Variants in MALRD1 observed in about 807,000 individuals in gnomAD.
The protein encoded by MALRD1 is MAM and LDL receptor class A domain containing 1.
In MALRD1, 247 loss-of-function variants were observed where a neutral mutation model predicts 242.1. That is an observed-to-expected ratio of 1.02 (90% CI 0.92 to 1.13). The LOEUF (loss-of-function observed/expected upper bound fraction) is 1.13, where lower values mean the gene tolerates loss of function less well. Among genes scored for constraint, MALRD1 ranks in the 50% most tolerant of loss-of-function variants. The pLI is 0.00. For synonymous variants in MALRD1, 995 were observed against 866.6 expected, an observed-to-expected ratio of 1.15 and a Z score of -2.60; for missense variants, 2,989 against 2,533.1, an observed-to-expected ratio of 1.18 and a Z score of -3.86.
intron 18 of MALRD1, among the ~76,000 whole-genome samples, chr10:19,231,836 G>GT (rs1484586884): frequency 2.7e-5 from 4 of 150,260 alleles, no homozygotes; most frequent in African/African-American, 9.8e-5. Context: ...CCCGCTTTCT[G>GT]TTTTTGTTTT....
At chr10:19,388,684 G>C (rs142313562) in intron 27 of MALRD1, among the ~76,000 whole-genome samples, 1 of 152,212 alleles carries the variant, frequency 6.6e-6, no homozygotes, top group East Asian at 1.9e-4. Context: ...GCTCATTTTT[G>C]TAGTGAGTGG....
chr10:19,331,306 G>T (rs1359033568), intron 23 of MALRD1, 63 bp from the exon 24 acceptor site: 3 of 1,277,688 alleles, frequency 2.3e-6, no homozygotes, highest in Non-Finnish European at 3.3e-6. Flanking sequence ...TTGATACTTA[G>T]TGTTTGCCCA....
At chr10:19,203,081 CATT>C (rs750724551) in intron 14 of MALRD1, among the ~76,000 whole-genome samples, 1 of 152,094 alleles carries the variant, frequency 6.6e-6, no homozygotes, top group Non-Finnish European at 1.5e-5. Flanking sequence ...ACATTACTAA[CATT>C]ATGATTTCCC....
At chr10:19,207,864 C>T (rs1836856467) in intron 17 of MALRD1, among the ~76,000 whole-genome samples, 4 of 152,078 alleles carry the variant, frequency 2.6e-5, no homozygotes, top group Admixed American at 2.6e-4. Context: ...CAAAATAGAA[C>T]AATTATAACA....
chr10:19,531,149 G>A (rs965358208), intron 31 of MALRD1, 45 bp from the exon 32 acceptor site: 5 of 1,471,680 alleles, frequency 3.4e-6, no homozygotes, highest in Non-Finnish European at 4.6e-6. Context: ...CGACTCATGC[G>A]ATATTATCAT....
At chr10:19,516,635 TTCC>T (rs893200096) in intron 31 of MALRD1, among the ~76,000 whole-genome samples, 2 of 151,792 alleles carry the variant, frequency 1.3e-5, no homozygotes, top group Non-Finnish European at 2.9e-5. Flanking sequence ...GCTCCTCCTC[TTCC>T]TCCTCCTCCT....
At chr10:19,394,021 G>A (rs1307602092) in intron 28 of MALRD1, among the ~76,000 whole-genome samples, 15 of 152,134 alleles carry the variant, frequency 9.9e-5, no homozygotes, top group Non-Finnish European at 2.2e-4. Context: ...CAAGATTACT[G>A]CATGCTTTAG....
intron 10 of MALRD1, among the ~76,000 whole-genome samples, chr10:19,141,847 T>C (rs959497303): frequency 6.6e-6 from 1 of 152,092 alleles, no homozygotes. Context: ...TAATTTTTAC[T>C]GTGATATTGT....
chr10:19,327,545 C>T lies in MALRD1; in HGVS notation c.3577-18C>T, dbSNP rs1287509793. ...AGATAAAATACTTCAGTGCCTTTTA[C>T]TTGATTTATCTCTATAGGTGCTCAT... On this transcript the variant is annotated intron_variant, in intron 22 of 39. Transcript: ENST00000454679. 17 of 1,529,692 alleles carry T rather than the reference C, an allele frequency of 1.1e-5. No individual in the cohort carries two copies. The highest frequency in any genetic ancestry group is 1.5e-5 in the Non-Finnish European group (17 of 1,130,124). 94.8% of individuals were successfully genotyped at this position (1,529,692 alleles called of 1,614,324 possible). A position where few individuals can be genotyped will look rare whatever the true frequency, so the allele number is the denominator to read the frequency against.
At chr10:19,263,530 A>G (rs2484087) in intron 19 of MALRD1, among the ~76,000 whole-genome samples, 69,304 of 151,790 alleles carry the variant, frequency 0.46, 16,140 homozygotes, top group South Asian at 0.67. Flanking sequence ...GTTGAGTTGT[A>G]TAAGTTTCTT....
At chr10:19,181,628 T>G (rs566040808) in intron 14 of MALRD1, among the ~76,000 whole-genome samples, 1 of 152,098 alleles carries the variant, frequency 6.6e-6, no homozygotes, top group South Asian at 2.1e-4. Context: ...AGAGATGTAA[T>G]GTACAACGTG....
At chr10:19,596,577 T>C (rs531050951) in intron 34 of MALRD1, among the ~76,000 whole-genome samples, 7 of 151,768 alleles carry the variant, frequency 4.6e-5, no homozygotes, top group African/African-American at 1.7e-4. Context: ...AAAATAGCAA[T>C]AGTAATAACC....
chr10:19,161,744 G>A (rs1356908546), intron 12 of MALRD1, among the ~76,000 whole-genome samples: 3 of 152,024 alleles, frequency 2.0e-5, no homozygotes, highest in Non-Finnish European at 4.4e-5. Flanking sequence ...TAAAACAACT[G>A]AGAGGCCAGG....
chr10:19,309,974 G>A (rs900483451), intron 21 of MALRD1, among the ~76,000 whole-genome samples: 4 of 151,462 alleles, frequency 2.6e-5, no homozygotes, highest in Non-Finnish European at 4.4e-5. Context: ...CAAAAGAAAA[G>A]GCTTTAAAAG....
At chr10:19,096,351 A>T (rs893880223) in intron 4 of MALRD1, among the ~76,000 whole-genome samples, 19 of 152,198 alleles carry the variant, frequency 1.2e-4, no homozygotes, top group Non-Finnish European at 2.6e-4. Context: ...CTTTAAATGT[A>T]CCAGTGGCTT....
chr10:19,507,596 T>C (rs1283944972), intron 31 of MALRD1, among the ~76,000 whole-genome samples: 1 of 152,190 alleles, frequency 6.6e-6, no homozygotes, highest in Admixed American at 6.5e-5. Flanking sequence ...AATTCTTCTT[T>C]AATATGAATT....
intron 1 of MALRD1, among the ~76,000 whole-genome samples, chr10:19,061,952 C>T (rs1331909384): frequency 1.3e-5 from 2 of 152,016 alleles, no homozygotes; most frequent in African/African-American, 4.8e-5. Context: ...AACTTCTATT[C>T]ATCAAAGGAC....
chr10:19,222,117 C>T (rs1837581547), intron 18 of MALRD1, among the ~76,000 whole-genome samples: 1 of 151,856 alleles, frequency 6.6e-6, no homozygotes, highest in African/African-American at 2.4e-5. Flanking sequence ...CCCTTCTTGC[C>T]AGCCTCCTTC....
rs192041985 is a variant in MALRD1 at position 19,173,485 on chromosome 10, A to G, written c.1831-1723A>G. ...ATGCCAAGAAATTAACTCAATTTTT[A>G]TAGTCTATGCAATTTTTCTTTTTAA... On this transcript the variant is annotated intron_variant, in intron 13 of 39. Transcript: ENST00000454679. 4.4e-4 allele frequency among the ~76,000 whole-genome samples: 67 copies of G among 152,210 alleles called. 1 individual carries two copies. The South Asian group carries it at 0.011, about 25-fold the overall frequency.
Sources: gnomAD v4.1 joint callset for allele counts (sites outside exome capture counted in the v4.1 genomes callset) on GRCh38, gnomAD v4.1.1 for gene constraint, MANE v1.5 for transcripts, NCBI Gene and HGNC (gene_info 2026-07-23, HGNC 2026-07-21) for gene names.